Variants in ASB5 observed in about 807,000 individuals in gnomAD.
ASB5 encodes the protein ankyrin repeat and SOCS box protein 5.
A neutral mutation model predicts 42.1 loss-of-function variants in ASB5; 45 were observed. The observed-to-expected ratio is 1.07, with a 90% confidence interval of 0.84 to 1.37. ASB5 has a LOEUF of 1.37. Among genes scored for constraint, ASB5 ranks in the 40% most tolerant of loss-of-function variants. The pLI is 0.00. For synonymous variants in ASB5, 147 were observed against 150.6 expected, an observed-to-expected ratio of 0.98 and a Z score of 0.18; for missense variants, 402 against 399.8, an observed-to-expected ratio of 1.01 and a Z score of -0.05.
At position 176,215,605 on chromosome 4, in the gene ASB5, G is replaced by T. The variant is rs534160855; in HGVS notation, c.985C>A (p.Arg329=). 2 of 1,610,390 alleles carry T rather than the reference G, an allele frequency of 1.2e-6. No individual in the cohort carries two copies. Among genetic ancestry groups the T allele is most frequent in the Non-Finnish European group, 8.5e-7 (1 of 1,178,126 alleles). The change falls in exon 7 of 7, where the codon CGA becomes AGA. Residue 329 remains arginine (R), a synonymous_variant. Coordinates refer to ENST00000296525, the MANE Select transcript of ASB5 (RefSeq NM_080874.4). ...TTTAGAATTACTTTACTGTTTTATC[G>T]ATACTGTAAGAAATTCTTCAGTAAC... ...PTLLKNFLQY[R]
At chr4:176,240,292 A>G (rs1295909339) in intron 1 of ASB5, among the ~76,000 whole-genome samples, 3 of 152,240 alleles carry the variant, frequency 2.0e-5, no homozygotes, top group African/African-American at 7.2e-5. Context: ...GTCTAACGTT[A>G]CTACCGACAG....
intron 1 of ASB5, among the ~76,000 whole-genome samples, chr4:176,264,264 T>A (rs1440369761): frequency 6.6e-6 from 1 of 152,170 alleles, no homozygotes; most frequent in East Asian, 1.9e-4. Flanking sequence ...CAAAATTTGG[T>A]CCATGGCCTT....
chr4:176,260,839 G>C (rs1370960680), intron 1 of ASB5, among the ~76,000 whole-genome samples: 5 of 152,036 alleles, frequency 3.3e-5, no homozygotes, highest in Non-Finnish European at 7.4e-5. Flanking sequence ...GCAACACCCA[G>C]CTAATTCTTG....
intron 1 of ASB5, 21 bp downstream of exon 1, chr4:176,268,892 A>G (rs765148465): frequency 6.5e-7 from 1 of 1,538,044 alleles, no homozygotes; most frequent in South Asian, 1.2e-5. Flanking sequence ...TTGAAACAAG[A>G]GAGGATTATC....
chr4:176,243,401 T>C (rs1210382031), intron 1 of ASB5, among the ~76,000 whole-genome samples: 1 of 152,234 alleles, frequency 6.6e-6, no homozygotes, highest in East Asian at 1.9e-4. Context: ...TTGAATTTTA[T>C]ACTGTAAAGC....
intron 1 of ASB5, among the ~76,000 whole-genome samples, chr4:176,233,800 T>G (rs535562648): frequency 6.6e-6 from 1 of 152,220 alleles, no homozygotes; most frequent in Admixed American, 6.5e-5. Context: ...CAATTTTAGG[T>G]TTGGCTGTTC....
At chr4:176,233,988 G>C (rs149527815) in intron 1 of ASB5, among the ~76,000 whole-genome samples, 1,993 of 152,062 alleles carry the variant, frequency 0.013, 41 homozygotes, top group African/African-American at 0.046. Context: ...CCCACCAGGC[G>C]CACACCAGGA....
chr4:176,258,656 GT>G (rs1754201199), intron 1 of ASB5, among the ~76,000 whole-genome samples: 1 of 151,826 alleles, frequency 6.6e-6, no homozygotes, highest in Non-Finnish European at 1.5e-5. Flanking sequence ...AAAGTACATA[GT>G]TTTTTTTCTT....
upstream of ASB5, among the ~76,000 whole-genome samples, chr4:176,271,815 GAAC>G (rs1165567773): frequency 2.0e-5 from 3 of 151,996 alleles, no homozygotes; most frequent in South Asian, 4.1e-4. Flanking sequence ...TAATTATAAA[GAAC>G]AACACTATTT....
At chr4:176,228,352 G>C (rs1217469610) in intron 1 of ASB5, among the ~76,000 whole-genome samples, 2 of 152,136 alleles carry the variant, frequency 1.3e-5, no homozygotes, top group Non-Finnish European at 2.9e-5. Flanking sequence ...AAGAAGAAAA[G>C]CAATTCCTTG....
At chr4:176,260,209 AG>A (rs1430010503) in intron 1 of ASB5, among the ~76,000 whole-genome samples, 1 of 152,216 alleles carries the variant, frequency 6.6e-6, no homozygotes, top group Non-Finnish European at 1.5e-5. Context: ...TCTGTTCGAA[AG>A]GGGGAAGGGG....
intron 1 of ASB5, among the ~76,000 whole-genome samples, chr4:176,225,931 G>A (rs561605128): frequency 6.6e-6 from 1 of 152,308 alleles, no homozygotes; most frequent in East Asian, 1.9e-4. Context: ...ATTAACCCTA[G>A]TGACTCACTA....
intron 1 of ASB5, among the ~76,000 whole-genome samples, chr4:176,238,370 A>C (rs1471781315): frequency 6.6e-6 from 1 of 152,184 alleles, no homozygotes; most frequent in African/African-American, 2.4e-5. Context: ...GTCATCTCTA[A>C]ATCAAAAGAC....
At chr4:176,268,776 A>C (rs1754410970) in intron 1 of ASB5, 137 bp downstream of exon 1, 2 of 690,938 alleles carry the variant, frequency 2.9e-6, no homozygotes, top group East Asian at 6.3e-5. Context: ...AAAGCCACGA[A>C]GTGAGTTACA....
chr4:176,225,735 G>A (rs780121986), intron 1 of ASB5, among the ~76,000 whole-genome samples: 5 of 152,014 alleles, frequency 3.3e-5, no homozygotes, highest in South Asian at 2.1e-4. Context: ...GACTACAGGC[G>A]CACACCACCA....
intron 1 of ASB5, among the ~76,000 whole-genome samples, chr4:176,240,204 G>A (rs1020564328): frequency 6.6e-6 from 1 of 152,122 alleles, no homozygotes; most frequent in African/African-American, 2.4e-5. Context: ...AATAAAAATT[G>A]TAATCTATAG....
Position 176,247,080 on chromosome 4 carries a change from A to T in ASB5, c.197-21739T>A, listed in dbSNP as rs527328968. Reference sequence around the variant, plus strand: ...AGGTTGAAAATGTAAAAATTTATTAAGATATTATTTATGGTAGCATAAAAC... The same window carrying T: ...AGGTTGAAAATGTAAAAATTTATTATGATATTATTTATGGTAGCATAAAAC... On this transcript the variant is annotated intron_variant, in intron 1 of 6. Transcript: ENST00000296525. 9.2e-5 allele frequency among the ~76,000 whole-genome samples: 14 copies of T among 152,302 alleles called. No homozygotes were observed. In the South Asian group the frequency reaches 2.9e-3, roughly 32 times the overall value.
intron 1 of ASB5, 81 bp from the exon 2 acceptor site, chr4:176,225,422 A>C (rs1579314546): frequency 8.7e-7 from 1 of 1,145,282 alleles, no homozygotes; most frequent in East Asian, 2.4e-5. Context: ...AATCAATACC[A>C]AGATCACATA....
At chr4:176,255,481 T>C (rs1317071828) in intron 1 of ASB5, among the ~76,000 whole-genome samples, 3 of 152,210 alleles carry the variant, frequency 2.0e-5, no homozygotes, top group Non-Finnish European at 4.4e-5. Flanking sequence ...CAACAGTGGA[T>C]TGGATAAAGA....
Sources: gnomAD v4.1 joint callset for allele counts (sites outside exome capture counted in the v4.1 genomes callset) on GRCh38, gnomAD v4.1.1 for gene constraint, MANE v1.5 for transcripts, NCBI Gene and HGNC (gene_info 2026-07-23, HGNC 2026-07-21) for gene names.